Variants in TMEM243 observed in about 807,000 individuals in gnomAD.
TMEM243 encodes the protein MDR1 and mitochondrial taxol resistance associated.
In TMEM243, 20 loss-of-function variants were observed where a neutral mutation model predicts 15.0. That is an observed-to-expected ratio of 1.33 (90% CI 0.94 to 1.93). TMEM243 has a LOEUF of 1.93. Among genes scored for constraint, TMEM243 ranks in the 30% most tolerant of loss-of-function variants. The probability of loss-of-function intolerance (pLI) is 0.00; values close to 1 mark genes in which losing one functional copy is unlikely to be tolerated. For synonymous variants in TMEM243, 72 were observed against 52.7 expected (o/e 1.37, Z -1.59); for missense variants, 156 against 142.1 (o/e 1.10, Z -0.50).
At position 87,198,054 on chromosome 7, in the gene TMEM243, A is replaced by C; in HGVS notation, c.130-9T>G. 6.2e-7 allele frequency: 1 copy of C among 1,610,150 alleles called. No individual in the cohort carries two copies. Among genetic ancestry groups the C allele is most frequent in the South Asian group, 1.1e-5 (1 of 90,772 alleles). On this transcript the variant is annotated splice_polypyrimidine_tract_variant and intron_variant, in intron 2 of 3. Coordinates refer to ENST00000257637, the MANE Select transcript of TMEM243 (RefSeq NM_024315.4). Reference sequence around the variant, plus strand: ...GCACTTATCAGCGTTACCTGTATGAAGAGAAATTATGTAAGGCCTTAACAG... The same window carrying C: ...GCACTTATCAGCGTTACCTGTATGACGAGAAATTATGTAAGGCCTTAACAG...
rs1180577250 is a variant in TMEM243, at chr7:87,197,977, G to C, written c.198C>G (p.Val66=). 1.9e-6 allele frequency: 3 copies of C among 1,612,920 alleles called. No individual in the cohort carries two copies. In the African/African-American group the frequency reaches 4.0e-5, roughly 22 times the overall value. Residue 66 remains valine (V), a synonymous_variant, in exon 3 of 4, where the codon GTC becomes GTG. Transcript: ENST00000257637. ...PPKPLNIFFA[V]CISLSSITAC... ...CAGTAATACTACTCAAAGAGATGCA[G>C]ACAGCAAAGAATATATTCAACGGTT...
chr7:87,205,883 C>T lies in TMEM243; in HGVS notation c.79-6826G>A, dbSNP rs574775237. ...AGTTCCAAAGTTGCTTCCACATTCT[C>T]GGGTATCTTTACAGCAGCACCCCAC... On this transcript the variant is annotated intron_variant, in intron 1 of 3. Transcript: ENST00000257637. 9.2e-5 allele frequency among the ~76,000 whole-genome samples: 14 copies of T among 152,276 alleles called. No individual in the cohort carries two copies. The South Asian group carries it at 1.0e-3, about 11-fold the overall frequency.
At chr7:87,220,194 T>C (rs757961), upstream of TMEM243, 127,982 of 152,432 alleles carry the variant, frequency 0.84, 53,942 homozygotes, top group Middle Eastern at 0.94. Flanking sequence ...CAACTTGGAT[T>C]CCCTCTCATG....
chr7:87,205,883 CG>C (rs1802183002), intron 1 of TMEM243, among the ~76,000 whole-genome samples: 1 of 152,158 alleles, frequency 6.6e-6, no homozygotes. Context: ...TCCACATTCT[CG>C]GGTATCTTTA....
At chr7:87,212,330 C>A (rs1802811617) in intron 1 of TMEM243, among the ~76,000 whole-genome samples, 2 of 152,188 alleles carry the variant, frequency 1.3e-5, no homozygotes, top group African/African-American at 4.8e-5. Flanking sequence ...CAAATGCATT[C>A]CACCATTCTC....
intron 1 of TMEM243, among the ~76,000 whole-genome samples, chr7:87,203,923 G>C (rs1802011387): frequency 6.6e-6 from 1 of 152,156 alleles, no homozygotes; most frequent in Non-Finnish European, 1.5e-5. Flanking sequence ...TGGTTAAAAT[G>C]CTACTCCCAA....
intron 2 of TMEM243, 165 bp from the exon 3 acceptor site, chr7:87,198,210 G>C: frequency 3.7e-6 from 2 of 538,680 alleles, no homozygotes; most frequent in Non-Finnish European, 6.5e-6. Context: ...AAATATGTTC[G>C]AGTTATTTTA....
chr7:87,213,825 T>C (rs745322201), intron 1 of TMEM243, among the ~76,000 whole-genome samples: 9 of 152,056 alleles, frequency 5.9e-5, no homozygotes, highest in Non-Finnish European at 1.3e-4. Flanking sequence ...AAGATACTTT[T>C]GTCTTTGGAA....
rs535865355 is a variant in TMEM243, at chr7:87,213,830, T to G, written c.78+5596A>C. On this transcript the variant is annotated intron_variant, in intron 1 of 3. Coordinates refer to ENST00000257637, the MANE Select transcript of TMEM243 (RefSeq NM_024315.4). The stretch of plus-strand genomic sequence containing the variant: ...GGGATAAAGGAAGATACTTTTGTCT[T>G]TGGAACCAAAGATCTGAGCCTCAGA... Among the ~76,000 whole-genome samples the G allele has an allele frequency of 1.5e-3, 228 of 152,178 alleles. 1 individual carries two copies. Among genetic ancestry groups the G allele is most frequent in the African/African-American group, 5.2e-3 (216 of 41,522 alleles).
At chr7:87,199,090 C>T (rs376420295) in intron 1 of TMEM243, 33 bp from the exon 2 acceptor site, 40 of 1,578,266 alleles carry the variant, frequency 2.5e-5, no homozygotes, top group Non-Finnish European at 3.4e-5. Flanking sequence ...AGCCATATGA[C>T]TTGGATCCAT....
At chr7:87,210,995 C>A (rs1005931446) in intron 1 of TMEM243, among the ~76,000 whole-genome samples, 1 of 152,212 alleles carries the variant, frequency 6.6e-6, no homozygotes, top group African/African-American at 2.4e-5. Context: ...ACAGCTGGAG[C>A]TGGAGCAGCT....
intron 1 of TMEM243, among the ~76,000 whole-genome samples, chr7:87,199,847 G>A (rs1479223695): frequency 6.6e-6 from 1 of 152,142 alleles, no homozygotes; most frequent in African/African-American, 2.4e-5. Flanking sequence ...CCAGGTCACT[G>A]GTTAGAAGTA....
At chr7:87,209,853 A>AGAGAGAGAGAGC (rs1802603397) in intron 1 of TMEM243, among the ~76,000 whole-genome samples, 1 of 124,286 alleles carries the variant, frequency 8.0e-6, no homozygotes, top group African/African-American at 3.4e-5. Flanking sequence ...AGTGAGAGCG[A>AGAGAGAGAGAGC]GAGAGAGAGA....
At position 87,196,563 on chromosome 7, in the gene TMEM243, C is replaced by T. The variant is rs935113249; in HGVS notation, c.*73G>A. On this transcript the variant is annotated 3_prime_UTR_variant, in exon 4 of 4. Transcript: ENST00000257637. ...TTCTGCAGGAGATTCTTCAGCATAC[C>T]TTATCCAAAAATTACTCACTGTCCT... The T allele has an allele frequency of 2.6e-5, 39 of 1,473,732 alleles. No individual in the cohort carries two copies. Among genetic ancestry groups the T allele is most frequent in the Non-Finnish European group, 3.5e-5 (38 of 1,092,134 alleles). The allele number at this position is 1,473,732 out of a possible 1,614,324, so 91.3% of individuals were successfully genotyped here. A position where few individuals can be genotyped will look rare whatever the true frequency, so the allele number is the denominator to read the frequency against.
chr7:87,212,818 C>A (rs879818806), intron 1 of TMEM243, among the ~76,000 whole-genome samples: 1 of 152,070 alleles, frequency 6.6e-6, no homozygotes, highest in Non-Finnish European at 1.5e-5. Context: ...AAGTCATTGT[C>A]CCTAGGGCTA....
chr7:87,205,341 ATTTTT>A (rs555923491), intron 1 of TMEM243, among the ~76,000 whole-genome samples: 2 of 142,378 alleles, frequency 1.4e-5, no homozygotes, highest in East Asian at 4.1e-4. Context: ...TCTCCTCAGG[ATTTTT>A]TTTTTTTTTC....
intron 1 of TMEM243, among the ~76,000 whole-genome samples, chr7:87,208,365 T>G (rs766774128): frequency 6.6e-6 from 1 of 152,216 alleles, no homozygotes; most frequent in Non-Finnish European, 1.5e-5. Context: ...ACAGGCCCCA[T>G]GCAAATCCAA....
intron 1 of TMEM243, among the ~76,000 whole-genome samples, chr7:87,206,072 G>A (rs1802198227): frequency 1.3e-5 from 2 of 152,150 alleles, no homozygotes; most frequent in African/African-American, 4.8e-5. Context: ...GAGAAAATGA[G>A]AGCCAAGCAA....
rs114049824 is a variant in TMEM243, at chr7:87,209,671, C to A, written c.78+9755G>T. On this transcript the variant is annotated intron_variant, in intron 1 of 3. Coordinates refer to ENST00000257637, the MANE Select transcript of TMEM243 (RefSeq NM_024315.4). ...CAGTGAGAGACAGAGCGAGAGAGAGCGAGAGCGAGACACAGCGAGAGAGCG... is the reference window on the plus strand; with the variant it reads ...CAGTGAGAGACAGAGCGAGAGAGAGAGAGAGCGAGACACAGCGAGAGAGCG... Among the ~76,000 whole-genome samples the A allele has an allele frequency of 5.8e-3, 141 of 24,254 alleles. 2 individuals carry two copies. The highest frequency in any genetic ancestry group is 8.1e-3 in the Non-Finnish European group (103 of 12,794). 15.9% of individuals were successfully genotyped at this position (24,254 alleles called of 152,430 possible). A position where few individuals can be genotyped will look rare whatever the true frequency, so the allele number is the denominator to read the frequency against.
Sources: gnomAD v4.1 joint callset for allele counts (sites outside exome capture counted in the v4.1 genomes callset) on GRCh38, gnomAD v4.1.1 for gene constraint, MANE v1.5 for transcripts, NCBI Gene and HGNC (gene_info 2026-07-23, HGNC 2026-07-21) for gene names.